Variants in EDNRA observed in about 807,000 individuals in gnomAD.
EDNRA encodes the protein endothelin-1 receptor.
Under a neutral mutation model 41.4 loss-of-function variants are expected in EDNRA, and 11 were observed. The observed-to-expected ratio is 0.27, with a 90% CI of 0.17 to 0.44. The LOEUF (loss-of-function observed/expected upper bound fraction) is 0.44, where lower values mean the gene tolerates loss of function less well. Ranked by LOEUF, EDNRA falls within the 20% of genes least tolerant of loss-of-function variation. The pLI, the probability that EDNRA is intolerant of heterozygous loss-of-function variation, is 1.00. For missense variants in EDNRA, 294 were observed against 531.0 expected, an observed-to-expected ratio of 0.55 and a Z score of 4.39; for synonymous variants, 172 against 183.0, an observed-to-expected ratio of 0.94 and a Z score of 0.49.
At chr4:147,508,325 A>C (rs1729797677) in intron 2 of EDNRA, among the ~76,000 whole-genome samples, 1 of 151,898 alleles carries the variant, frequency 6.6e-6, no homozygotes, top group Non-Finnish European at 1.5e-5. Context: ...TTTTAGTAGA[A>C]ACGGGGTTTC....
At chr4:147,489,285 A>G (rs1476202254) in intron 2 of EDNRA, 1 of 152,204 alleles carries the variant, frequency 6.6e-6, no homozygotes, top group African/African-American at 2.4e-5. Context: ...TGTACCCACT[A>G]TGAAATTTCT....
intron 2 of EDNRA, among the ~76,000 whole-genome samples, chr4:147,499,507 G>A (rs766505862): frequency 6.6e-6 from 1 of 152,172 alleles, no homozygotes; most frequent in East Asian, 1.9e-4. Flanking sequence ...TCGTTGTCTC[G>A]ATTTATGTTA....
intron 3 of EDNRA, chr4:147,520,300 T>A: frequency 2.1e-6 from 1 of 480,276 alleles, no homozygotes; most frequent in East Asian, 5.4e-5. Context: ...GCAAATCCTA[T>A]ATTTCACCTG....
intron 2 of EDNRA, chr4:147,494,480 C>T (rs552782057): frequency 1.3e-5 from 2 of 152,268 alleles, no homozygotes; most frequent in South Asian, 4.1e-4. Flanking sequence ...TTAGAGGAAA[C>T]ATCAAGTGCA....
At chr4:147,540,288 G>C in intron 6 of EDNRA, 89 bp from the exon 7 acceptor site, 2 of 1,147,640 alleles carry the variant, frequency 1.7e-6, no homozygotes, top group Non-Finnish European at 2.5e-6. Context: ...TTCTGGGCAA[G>C]AAAAATGCTT....
At position 147,519,443 on chromosome 4, in the gene EDNRA, AC is replaced by A. The variant is rs1404707871; in HGVS notation, c.421-407del. On this transcript the variant is annotated intron_variant, in intron 2 of 7. Transcript: ENST00000651419. This position sits in a 1 kb window ranked among gnomAD's most constrained non-coding sequence, Gnocchi z 4.1. ...GTTGAGCTGTCTCCCAAAATCCCAA[AC>A]TTTTACTACTGTTTGAAAAGTAGGC... 2.6e-5 allele frequency among the ~76,000 whole-genome samples: 4 copies of A among 151,866 alleles called. No homozygotes were observed. The highest frequency in any genetic ancestry group is 9.7e-5 in the African/African-American group (4 of 41,368).
Position 147,485,845 on chromosome 4 carries a change from C to T in EDNRA, c.164C>T (p.Thr55Ile). Residue 55 changes from threonine (T) to isoleucine (I), a missense_variant, in exon 2 of 8, where the codon ACT (threonine) becomes ATT (isoleucine). Thr to Ile is a moderately conservative substitution (Grantham distance 89). This residue lies in a region of EDNRA where 90 missense variants were observed against 122.8 expected (regional missense o/e 0.73). Coordinates refer to ENST00000651419, the MANE Select transcript of EDNRA (RefSeq NM_001957.4). ...LSFLVTTHQP[T>I]NLVLPSNGSM... ...TTCCTGGTTACCACTCATCAACCCA[C>T]TAATTTGGTCCTACCCAGCAATGGC... 1 of 1,614,260 alleles carries T rather than the reference C, an allele frequency of 6.2e-7. No homozygotes were observed. Among genetic ancestry groups the T allele is most frequent in the Non-Finnish European group, 8.5e-7 (1 of 1,180,046 alleles).
rs2126488247 is a variant in EDNRA at position 147,540,498 on chromosome 4, T to G, written c.1143+13T>G. On this transcript the variant is annotated intron_variant, in intron 7 of 7. Transcript: ENST00000651419. ...AAATTGTTTCCAGGTAAGATGATTTTTCAAGTATTTTTTAAAGACAACAAA... is the reference window on the plus strand; with the variant it reads ...AAATTGTTTCCAGGTAAGATGATTTGTCAAGTATTTTTTAAAGACAACAAA... 6.3e-7 allele frequency: 1 copy of G among 1,577,052 alleles called. No homozygotes were observed. The highest frequency in any genetic ancestry group is 8.7e-7 in the Non-Finnish European group (1 of 1,152,830).
At chr4:147,535,779 C>A (rs563669231) in intron 4 of EDNRA, 98 bp from the exon 5 acceptor site, 3 of 1,438,190 alleles carry the variant, frequency 2.1e-6, no homozygotes, top group African/African-American at 2.9e-5. Flanking sequence ...ACAGATGTAT[C>A]TGCAAGTTTA....
Position 147,515,411 on chromosome 4 carries a change from A to C in EDNRA, c.421-4440A>C, listed in dbSNP as rs986051102. ...CAAAATTGTCCCCTGGTTGATAAGC[A>C]CTGGCCTAGGGTGATGGCCAAGGCA... On this transcript the variant is annotated intron_variant, in intron 2 of 7. Transcript: ENST00000651419. 5.3e-5 allele frequency among the ~76,000 whole-genome samples: 8 copies of C among 152,154 alleles called. 1 individual carries two copies. The highest frequency in any genetic ancestry group is 5.2e-4 in the Admixed American group (8 of 15,280).
At chr4:147,510,199 A>G (rs573407925) in intron 2 of EDNRA, among the ~76,000 whole-genome samples, 1 of 152,300 alleles carries the variant, frequency 6.6e-6, no homozygotes, top group Admixed American at 6.5e-5. Flanking sequence ...GATGGAAAGG[A>G]AATAGAACAC....
At chr4:147,499,969 T>C (rs1356850637) in intron 2 of EDNRA, among the ~76,000 whole-genome samples, 3 of 151,986 alleles carry the variant, frequency 2.0e-5, no homozygotes, top group African/African-American at 7.3e-5. Flanking sequence ...CACACCCAGC[T>C]AATCTTTGTA....
intron 5 of EDNRA, among the ~76,000 whole-genome samples, chr4:147,538,797 C>T (rs866227710): frequency 1.3e-5 from 2 of 152,124 alleles, no homozygotes; most frequent in African/African-American, 4.8e-5. Flanking sequence ...ATGGCTCAGC[C>T]AATCATGTGA....
chr4:147,531,083 C>T (rs1183772047), intron 3 of EDNRA, among the ~76,000 whole-genome samples: 3 of 152,110 alleles, frequency 2.0e-5, no homozygotes, highest in Non-Finnish European at 2.9e-5. Context: ...CTAAACCAAA[C>T]CTTCCTTAGA....
chr4:147,537,848 GCAAATCCT>G (rs61684941), intron 5 of EDNRA, among the ~76,000 whole-genome samples: 51,178 of 151,116 alleles, frequency 0.34, 10,328 homozygotes, highest in African/African-American at 0.57. Flanking sequence ...CAAATCTGTA[GCAAATCCT>G]AAGTACAGAA....
intron 1 of EDNRA, 145 bp from the exon 2 acceptor site, chr4:147,485,467 C>T (rs762314152): frequency 2.9e-5 from 17 of 588,606 alleles, no homozygotes; most frequent in Non-Finnish European, 4.5e-5. Context: ...TGGTTTTGCT[C>T]TGTCATAGGG....
At chr4:147,498,569 G>A (rs922456705) in intron 2 of EDNRA, among the ~76,000 whole-genome samples, 63 of 150,732 alleles carry the variant, frequency 4.2e-4, no homozygotes, top group African/African-American at 1.5e-3. Flanking sequence ...CTTTTGAGTA[G>A]TTTCAACAGA....
intron 3 of EDNRA, among the ~76,000 whole-genome samples, chr4:147,520,663 C>T (rs1730292893): frequency 6.6e-6 from 1 of 152,204 alleles, no homozygotes; most frequent in Non-Finnish European, 1.5e-5. Context: ...CATTCTGTGG[C>T]ACTCTTTTAT....
intron 2 of EDNRA, chr4:147,492,456 C>T (rs1423510402): frequency 6.6e-6 from 1 of 152,084 alleles, no homozygotes; most frequent in Admixed American, 6.6e-5. Context: ...GTGAGAAACT[C>T]GTGGGAAGCA....
Sources: gnomAD v4.1 joint callset for allele counts (sites outside exome capture counted in the v4.1 genomes callset) on GRCh38, gnomAD v4.1.1 for gene constraint, gnomAD v4.1.1 regional missense constraint, Gnocchi (gnomAD v3.1) non-coding constraint, MANE v1.5 for transcripts, NCBI Gene and HGNC (gene_info 2026-07-23, HGNC 2026-07-21) for gene names.